The following AMBRA1 variants were observed in gnomAD, a reference collection of about 807,000 sequenced individuals.
AMBRA1 encodes the protein autophagy and beclin 1 regulator 1.
AMBRA1 carries 47 observed loss-of-function variants against 125.4 expected under a neutral mutation model. That is an observed-to-expected ratio of 0.37 (90% CI 0.30 to 0.48). AMBRA1 has a LOEUF of 0.48. Ranked by LOEUF, AMBRA1 falls within the 20% of genes least tolerant of loss-of-function variation. The pLI is 0.99. For synonymous variants in AMBRA1, 626 were observed against 655.5 expected (o/e 0.95, Z 0.69); for missense variants, 1,331 against 1,693.4 (o/e 0.79, Z 3.76).
chr11:46,519,081 T>C (rs573998374), intron 7 of AMBRA1, among the ~76,000 whole-genome samples: 2 of 152,354 alleles, frequency 1.3e-5, no homozygotes, highest in Admixed American at 1.3e-4. Context: ...TGGAGTACAG[T>C]GGCGCGATCT....
Position 46,543,216 on chromosome 11 carries a change from G to GGTA in AMBRA1, c.798_800dup (p.Thr267dup), listed in dbSNP as rs971925802. The GGTA allele has an allele frequency of 1.9e-6, 3 of 1,608,582 alleles. No homozygotes were observed. Among genetic ancestry groups the GGTA allele is most frequent in the African/African-American group, 2.7e-5 (2 of 74,782 alleles). On this transcript the variant is annotated inframe_insertion, in exon 7 of 18. Coordinates refer to ENST00000683756, the MANE Select transcript of AMBRA1 (RefSeq NM_001387011.1). ...GAGGGGGAGGCGGTGGGGGTGAGGG[G>GGTA]GTAGCAGAATCTTGCACTGTGCTTT...
chr11:46,578,748 G>A (rs1440076724), intron 1 of AMBRA1, among the ~76,000 whole-genome samples: 2 of 151,204 alleles, frequency 1.3e-5, no homozygotes, highest in African/African-American at 4.9e-5. Flanking sequence ...AGGCATGGTG[G>A]CGGGCGTCTG....
chr11:46,523,885 T>C (rs1177386229), intron 7 of AMBRA1, among the ~76,000 whole-genome samples: 1 of 152,150 alleles, frequency 6.6e-6, no homozygotes, highest in African/African-American at 2.4e-5. Flanking sequence ...TTATTTATTT[T>C]GAGATAGAGT....
intron 14 of AMBRA1, 130 bp from the exon 15 acceptor site, chr11:46,418,182 C>CT (rs934020226): frequency 1.2e-3 from 468 of 401,782 alleles, no homozygotes; most frequent in Middle Eastern, 3.5e-3. Context: ...CAGGATGACT[C>CT]TTTTTTTTTC....
chr11:46,578,732 T>C (rs2135302663), intron 1 of AMBRA1, among the ~76,000 whole-genome samples: 1 of 150,652 alleles, frequency 6.6e-6, no homozygotes, highest in South Asian at 2.1e-4. Context: ...ATAGAAAAAA[T>C]TAGCCAGGCA....
At position 46,583,471 on chromosome 11, in the gene AMBRA1, C is replaced by T. The variant is rs2044248767; in HGVS notation, c.-121+10357G>A. Among the ~76,000 whole-genome samples the T allele has an allele frequency of 2.0e-5, 3 of 150,586 alleles. No individual in the cohort carries two copies. The South Asian group carries it at 6.3e-4, about 32-fold the overall frequency. On this transcript the variant is annotated intron_variant, in intron 1 of 17. Transcript: ENST00000683756. ...GACTTCATGTCTAAAACACCAAAAG[C>T]AATGGCAACAAAAGCCAAAATTGAC...
In AMBRA1 at chr11:46,567,923, G is replaced by A. The variant is rs368451272; in HGVS notation, c.-120-19423C>T. 3.6e-4 allele frequency among the ~76,000 whole-genome samples: 54 copies of A among 151,504 alleles called. No homozygotes were observed. In the East Asian group the frequency reaches 9.6e-3, roughly 27 times the overall value. On this transcript the variant is annotated intron_variant, in intron 1 of 17. Coordinates refer to ENST00000683756, the MANE Select transcript of AMBRA1 (RefSeq NM_001387011.1). ...CAGCATTTGAGAGGCCGAGGCAGGC[G>A]GATCACTTGACATCAGGGGTCTGAA... is the stretch of plus-strand genomic sequence containing the variant.
chr11:46,528,572 C>A (rs1952079807), intron 7 of AMBRA1, among the ~76,000 whole-genome samples: 1 of 152,106 alleles, frequency 6.6e-6, no homozygotes, highest in African/African-American at 2.4e-5. Context: ...TAAGAGGTAC[C>A]TAAAGTTATC....
chr11:46,508,032 AT>A (rs1951123161), intron 9 of AMBRA1, among the ~76,000 whole-genome samples, 158 bp downstream of exon 9: 1 of 152,216 alleles, frequency 6.6e-6, no homozygotes, highest in African/African-American at 2.4e-5. Flanking sequence ...TGCTCTGGGC[AT>A]CTTAACCCTC....
chr11:46,535,717 A>G (rs1036279830), intron 7 of AMBRA1, among the ~76,000 whole-genome samples: 1 of 152,190 alleles, frequency 6.6e-6, no homozygotes, highest in Non-Finnish European at 1.5e-5. Flanking sequence ...TATTACTGAG[A>G]TGCCAAGCCA....
chr11:46,514,581 TTGAA>T (rs1302526918), intron 7 of AMBRA1, among the ~76,000 whole-genome samples: 2 of 152,242 alleles, frequency 1.3e-5, no homozygotes, highest in Admixed American at 6.5e-5. Context: ...CTTTTCACCT[TTGAA>T]TGTGTCTGAG....
intron 17 of AMBRA1, 24 bp downstream of exon 17, chr11:46,408,489 C>A (rs995230718): frequency 6.7e-6 from 10 of 1,493,156 alleles, no homozygotes; most frequent in Non-Finnish European, 9.0e-7. Flanking sequence ...TCTCCCACCC[C>A]CTCCAGCGCC....
chr11:46,552,063 T>A (rs1029706252), intron 1 of AMBRA1, among the ~76,000 whole-genome samples: 46 of 146,304 alleles, frequency 3.1e-4, no homozygotes, highest in Non-Finnish European at 5.4e-4. Context: ...ATCAAAAAAA[T>A]AAATTAAATT....
chr11:46,543,846 C>T, intron 6 of AMBRA1, 129 bp downstream of exon 6: 3 of 802,994 alleles, frequency 3.7e-6, no homozygotes, highest in Admixed American at 2.5e-5. Context: ...CTGAAGCTAG[C>T]TTTAAATCTT....
chr11:46,547,018 C>T (rs1953053076), intron 4 of AMBRA1, 95 bp downstream of exon 4: 8 of 1,247,648 alleles, frequency 6.4e-6, no homozygotes, highest in South Asian at 1.6e-5. Flanking sequence ...TTGCAGCGAG[C>T]CAAGATCACA....
In AMBRA1 at chr11:46,587,015, ATCTAT is replaced by A. The variant is rs568083094; in HGVS notation, c.-121+6808_-121+6812del. On this transcript the variant is annotated intron_variant, in intron 1 of 17. Transcript: ENST00000683756. ...TATACTATAGGTATATATACCTGTG[ATCTAT>A]TCTAGAGAGTAGAAATAAGTGATGA... Among the ~76,000 whole-genome samples the A allele has an allele frequency of 4.6e-5, 7 of 152,338 alleles. No homozygotes were observed. In the South Asian group the frequency reaches 1.4e-3, roughly 32 times the overall value.
chr11:46,529,724 CCA>C (rs1952129536), intron 7 of AMBRA1, among the ~76,000 whole-genome samples: 1 of 152,028 alleles, frequency 6.6e-6, no homozygotes, highest in African/African-American at 2.4e-5. Context: ...TCAACAGAAT[CCA>C]GATACCCGAA....
chr11:46,586,319 G>T (rs2044398528), intron 1 of AMBRA1, among the ~76,000 whole-genome samples: 1 of 152,144 alleles, frequency 6.6e-6, no homozygotes, highest in Non-Finnish European at 1.5e-5. Flanking sequence ...TGAGGCACAA[G>T]AATCGCTTGA....
chr11:46,555,124 T>C (rs534272527), intron 1 of AMBRA1, among the ~76,000 whole-genome samples: 147 of 152,144 alleles, frequency 9.7e-4, no homozygotes, highest in African/African-American at 3.4e-3. Flanking sequence ...TCCATCCCAT[T>C]TCCACACACA....
Sources: gnomAD v4.1 joint callset for allele counts (sites outside exome capture counted in the v4.1 genomes callset) on GRCh38, gnomAD v4.1.1 for gene constraint, MANE v1.5 for transcripts, NCBI Gene and HGNC (gene_info 2026-07-23, HGNC 2026-07-21) for gene names.